The following CDNF variants were observed in gnomAD, a reference collection of about 807,000 sequenced individuals.
The protein encoded by CDNF is ARMET-like protein 1.
Under a neutral mutation model 14.8 loss-of-function variants are expected in CDNF, and 9 were observed. The observed-to-expected ratio is 0.61, with a 90% CI of 0.37 to 1.06. The LOEUF is 1.06. Ranked by LOEUF, CDNF falls within the 50% of genes least tolerant of loss-of-function variation. The probability of loss-of-function intolerance (pLI) is 0.01; values close to 1 mark genes in which losing one functional copy is unlikely to be tolerated. For missense variants in CDNF, 228 were observed against 228.4 expected (o/e 1.00, Z 0.01); for synonymous variants, 86 against 87.2 (o/e 0.99, Z 0.07).
intron 1 of CDNF, among the ~76,000 whole-genome samples, chr10:14,829,083 T>C (rs370716363): frequency 7.2e-5 from 11 of 152,172 alleles, no homozygotes; most frequent in African/African-American, 2.4e-4. Context: ...ATTAGTTTAG[T>C]ATTGGGCCTA....
intron 1 of CDNF, among the ~76,000 whole-genome samples, chr10:14,829,953 A>G (rs2131626365): frequency 6.6e-6 from 1 of 152,172 alleles, no homozygotes; most frequent in South Asian, 2.1e-4. Context: ...TGTTGTTTCT[A>G]TAGGTTCTTG....
chr10:14,825,943 T>G (rs1028666473), intron 2 of CDNF, among the ~76,000 whole-genome samples: 1 of 146,954 alleles, frequency 6.8e-6, no homozygotes, highest in Admixed American at 6.9e-5. Context: ...AGAGTGAGAC[T>G]CCATCTCAAA....
Position 14,828,162 on chromosome 10 carries a change from C to CTTTT in CDNF, c.225_226insAAAA (p.Gly76LysfsTer24). ...TACTATACCAGGCGGTTTTCTTTTC[C>CTTTT]TTTGGTGTCCAAGCAAAAACTGATC... On this transcript the variant is annotated frameshift_variant, in exon 2 of 4. Coordinates refer to ENST00000465530, the MANE Select transcript of CDNF (RefSeq NM_001029954.3). LOFTEE classifies it high-confidence loss of function. 1 of 1,613,940 alleles carries CTTTT rather than the reference C, an allele frequency of 6.2e-7. No homozygotes were observed. Among genetic ancestry groups the CTTTT allele is most frequent in the Non-Finnish European group, 8.5e-7 (1 of 1,179,938 alleles).
intron 1 of CDNF, among the ~76,000 whole-genome samples, chr10:14,836,688 T>C (rs141800350): frequency 0.026 from 3,921 of 152,248 alleles, 169 homozygotes; most frequent in African/African-American, 0.09. Flanking sequence ...TCCCAGCACT[T>C]TGGGAGGCTG....
At position 14,825,553 on chromosome 10, in the gene CDNF, C is replaced by T; in HGVS notation, c.311G>A (p.Ser104Asn). 1 of 1,614,100 alleles carries T rather than the reference C, an allele frequency of 6.2e-7. No homozygotes were observed. Among genetic ancestry groups the T allele is most frequent in the East Asian group, 2.2e-5 (1 of 44,866 alleles). Residue 104 changes from serine (S) to asparagine (N), a missense_variant, in exon 3 of 4, where the codon AGT (serine) becomes AAT (asparagine). Physicochemically the swap from Ser to Asn is conservative, Grantham distance 46. Transcript: ENST00000465530. ...KILSEVTRPM[S>N]VHMPAMKICE... ...AATCTTCATTGCAGGCATATGCACA[C>T]TCATTGGGCGAGTGACTTCACTTAG...
At chr10:14,828,853 A>C (rs916362002) in intron 1 of CDNF, among the ~76,000 whole-genome samples, 7 of 150,706 alleles carry the variant, frequency 4.6e-5, no homozygotes, top group Middle Eastern at 3.2e-3. Flanking sequence ...TAAAAAAAAA[A>C]CACAAAAAAA....
At chr10:14,824,592 C>A (rs150262667) in intron 3 of CDNF, among the ~76,000 whole-genome samples, 3 of 130,882 alleles carry the variant, frequency 2.3e-5, no homozygotes. Flanking sequence ...GGTGATAGAG[C>A]GAGACTTCCC....
At chr10:14,831,522 C>T (rs1237312244) in intron 1 of CDNF, among the ~76,000 whole-genome samples, 5 of 147,612 alleles carry the variant, frequency 3.4e-5, no homozygotes, top group African/African-American at 9.9e-5. Flanking sequence ...ATATAAAATA[C>T]ATATATACAC....
chr10:14,833,392 G>A (rs76484391), intron 1 of CDNF, among the ~76,000 whole-genome samples: 42 of 152,128 alleles, frequency 2.8e-4, no homozygotes, highest in East Asian at 1.2e-3. Context: ...GACTTCCTTC[G>A]TACCACAGGC....
chr10:14,820,084 A>C lies in CDNF; in HGVS notation c.460T>G (p.Trp154Gly). The C allele has an allele frequency of 6.2e-7, 1 of 1,614,178 alleles. No individual in the cohort carries two copies. The highest frequency in any genetic ancestry group is 2.2e-5 in the East Asian group (1 of 44,884). ...VAELKQILHS[W>G]GEECRACAEK... ...GCACAGGCCCTGCACTCCTCCCCCC[A>C]GCTATGCAGGATCTGCTTCAGCTCT... is the stretch of plus-strand genomic sequence containing the variant. Residue 154 changes from tryptophan (W) to glycine (G), a missense_variant, in exon 4 of 4, where the codon TGG (tryptophan) becomes GGG (glycine). Coordinates refer to ENST00000465530, the MANE Select transcript of CDNF (RefSeq NM_001029954.3).
chr10:14,819,933 T>A lies in CDNF; in HGVS notation c.*47A>T. 1 of 1,540,242 alleles carries A rather than the reference T, an allele frequency of 6.5e-7. No individual in the cohort carries two copies. Among genetic ancestry groups the A allele is most frequent in the African/African-American group, 1.4e-5 (1 of 73,044 alleles). ...ATCAACATGTCCATATCCTAGAGAG[T>A]CACTTTTCTCTCTAATTACAAGTCA... On this transcript the variant is annotated 3_prime_UTR_variant, in exon 4 of 4. Coordinates refer to ENST00000465530, the MANE Select transcript of CDNF (RefSeq NM_001029954.3).
chr10:14,826,379 CAGA>C (rs888864163), intron 2 of CDNF, among the ~76,000 whole-genome samples: 9 of 134,466 alleles, frequency 6.7e-5, no homozygotes, highest in Admixed American at 3.1e-4. Flanking sequence ...AGAGCAGCAG[CAGA>C]AGAAGAAGCA....
intron 1 of CDNF, 76 bp from the exon 2 acceptor site, chr10:14,828,348 C>A: frequency 6.9e-7 from 1 of 1,445,874 alleles, no homozygotes; most frequent in South Asian, 1.2e-5. Flanking sequence ...CCACTAACCA[C>A]ATTTAAAAGT....
At position 14,838,024 on chromosome 10, in the gene CDNF, T is replaced by A; in HGVS notation, c.-78A>T. The stretch of plus-strand genomic sequence containing the variant: ...GCTGCCAAAGCGAGCTGAGCAGAAT[T>A]CGAGGTTGGAAAGAATCTGCCAGTA... On this transcript the variant is annotated 5_prime_UTR_variant, in exon 1 of 4. Coordinates refer to ENST00000465530, the MANE Select transcript of CDNF (RefSeq NM_001029954.3). 9.0e-7 allele frequency: 1 copy of A among 1,106,868 alleles called. No homozygotes were observed. The allele number at this position is 1,106,868 out of a possible 1,614,324, so 68.6% of individuals were successfully genotyped here. A position where few individuals can be genotyped will look rare whatever the true frequency, so the allele number is the denominator to read the frequency against.
At position 14,837,857 on chromosome 10, in the gene CDNF, C is replaced by G. The variant is rs554576973; in HGVS notation, c.90G>C (p.Gly30=). 6.2e-7 allele frequency: 1 copy of G among 1,600,512 alleles called. No homozygotes were observed. The highest frequency in any genetic ancestry group is 1.7e-5 in the Admixed American group (1 of 59,054). ...HPVLTQGQEA[G]GRPGADCEVC... ...CTTCACAGTCGGCCCCTGGCCGCCC[C>G]CCGGCCTCCTGGCCCTGCGTCAGCA... The change falls in exon 1 of 4, where the codon GGG becomes GGC. Residue 30 remains glycine (G), a synonymous_variant. Coordinates refer to ENST00000465530, the MANE Select transcript of CDNF (RefSeq NM_001029954.3).
intron 3 of CDNF, among the ~76,000 whole-genome samples, chr10:14,821,437 A>G (rs1168739379): frequency 2.0e-5 from 3 of 152,190 alleles, no homozygotes; most frequent in Non-Finnish European, 1.5e-5. Context: ...AGTTCTTTAC[A>G]GCAATGCGGG....
At chr10:14,836,112 T>C (rs1833883835) in intron 1 of CDNF, 1 of 152,232 alleles carries the variant, frequency 6.6e-6, no homozygotes, top group African/African-American at 2.4e-5. Context: ...TTGCCTTCGC[T>C]CTAGAGTATG....
intron 2 of CDNF, among the ~76,000 whole-genome samples, chr10:14,826,829 T>C (rs1442967071): frequency 6.6e-6 from 1 of 152,172 alleles, no homozygotes; most frequent in Non-Finnish European, 1.5e-5. Flanking sequence ...GACAGAATTA[T>C]AAAACCCAGC....
Position 14,826,029 on chromosome 10 carries a change from GAGAAGAAGAAGAAGAAGAAGA to G in CDNF, c.244-430_244-410del, listed in dbSNP as rs57619992. Among the ~76,000 whole-genome samples the G allele has an allele frequency of 2.4e-3, 211 of 86,210 alleles. 1 individual carries two copies. The highest frequency in any genetic ancestry group is 0.013 in the East Asian group (36 of 2,792). 56.6% of individuals were successfully genotyped at this position (86,210 alleles called of 152,430 possible). A position where few individuals can be genotyped will look rare whatever the true frequency, so the allele number is the denominator to read the frequency against. Reference sequence around the variant, plus strand: ...GAAGCAGAAGCAGAAGAAGAAGAAGGAGAAGAAGAAGAAGAAGAAGAAGAAGAAGAAGAAGAAGAAGAAGAA... The same window carrying G: ...GAAGCAGAAGCAGAAGAAGAAGAAGGAGAAGAAGAAGAAGAAGAAGAAGAA... On this transcript the variant is annotated intron_variant, in intron 2 of 3. Transcript: ENST00000465530.
Sources: gnomAD v4.1 joint callset for allele counts (sites outside exome capture counted in the v4.1 genomes callset) on GRCh38, gnomAD v4.1.1 for gene constraint, MANE v1.5 for transcripts, NCBI Gene and HGNC (gene_info 2026-07-23, HGNC 2026-07-21) for gene names.